The following FRMD1 variants were observed in gnomAD, a reference collection of about 807,000 sequenced individuals.
FRMD1 encodes FERM domain containing 1, also known as FERM domain-containing protein 1.
In FRMD1, 51 loss-of-function variants were observed where a neutral mutation model predicts 54.9. The observed-to-expected ratio is 0.93, with a 90% CI of 0.74 to 1.17. The LOEUF (loss-of-function observed/expected upper bound fraction) is 1.17. Among genes scored for constraint, FRMD1 ranks in the 50% most tolerant of loss-of-function variants. The pLI, the probability that FRMD1 is intolerant of heterozygous loss-of-function variation, is 0.00. For missense variants in FRMD1, 729 were observed against 743.0 expected, an observed-to-expected ratio of 0.98 and a Z score of 0.22; for synonymous variants, 324 against 306.4, an observed-to-expected ratio of 1.06 and a Z score of -0.60.
chr6:168,059,104 G>A lies in FRMD1; in HGVS notation c.1407+20C>T, dbSNP rs771248336. 1.3e-6 allele frequency: 2 copies of A among 1,550,880 alleles called. No individual in the cohort carries two copies. The highest frequency in any genetic ancestry group is 1.7e-6 in the Non-Finnish European group (2 of 1,150,088). The stretch of plus-strand genomic sequence containing the variant: ...TGGAGGAGCAGGGCCAGGGCTTCTG[G>A]CCCGTGGGGGGGACTCTACCTGGTG... On this transcript the variant is annotated intron_variant, in intron 10 of 10. Coordinates refer to ENST00000283309, the MANE Select transcript of FRMD1 (RefSeq NM_024919.6). This position sits in a 1 kb window ranked among gnomAD's most constrained non-coding sequence, Gnocchi z 4.4.
chr6:168,092,282 G>T (rs1355870477), intron 1 of FRMD1, among the ~76,000 whole-genome samples: 1 of 152,216 alleles, frequency 6.6e-6, no homozygotes, highest in African/African-American at 2.4e-5. Flanking sequence ...CCAGGACTTT[G>T]CAAAATGTTC....
Position 168,061,933 on chromosome 6 carries a change from GC to G in FRMD1, c.918del (p.Lys306AsnfsTer168). 2 of 1,600,802 alleles carry G rather than the reference GC, an allele frequency of 1.2e-6. No individual in the cohort carries two copies. Among genetic ancestry groups the G allele is most frequent in the Non-Finnish European group, 8.5e-7 (1 of 1,174,916 alleles). On this transcript the variant is annotated frameshift_variant, in exon 8 of 11. Coordinates refer to ENST00000283309, the MANE Select transcript of FRMD1 (RefSeq NM_024919.6). LOFTEE classifies it high-confidence loss of function. ...CAGGTGCACCCCGTGTAGTAAACCA[GC>G]TTCTGTGCTGCGGGCAGCCCATCCA... The part of the protein sequence containing the change: ...IQLDGLPAAQ[K>X]LVYYTGCTWR...
intron 4 of FRMD1, chr6:168,065,875 C>T (rs995505050): frequency 4.4e-5 from 44 of 1,000,136 alleles, no homozygotes; most frequent in Non-Finnish European, 5.2e-5. Context: ...AGGTTTTCCC[C>T]CAGGGTAAAC....
chr6:168,078,731 CA>C, intron 1 of FRMD1, 150 bp downstream of exon 1: 1 of 1,180,204 alleles, frequency 8.5e-7, no homozygotes, highest in East Asian at 2.8e-5. Flanking sequence ...GGGCCCTCCT[CA>C]CCCCCATGGC....
rs1583183817 is a variant in FRMD1, at chr6:168,066,730, C to T, written c.461+25G>A. The T allele has an allele frequency of 1.9e-6, 3 of 1,602,622 alleles. No individual in the cohort carries two copies. The East Asian group carries it at 6.7e-5, about 36-fold the overall frequency. ...CAGATTTTCAGTATTCCAGGAAACA[C>T]CCCTTACAGTCCGCATGCCGTTACC... On this transcript the variant is annotated intron_variant, in intron 4 of 10. Transcript: ENST00000283309.
chr6:168,056,994 G>C lies in FRMD1; in HGVS notation c.*103C>G. ...TGTGGAGCGTGCTGGCTGCGGAAGT[G>C]CAGGCAGCATCTGGCGGGCAGGAAG... On this transcript the variant is annotated 3_prime_UTR_variant, in exon 11 of 11. Coordinates refer to ENST00000283309, the MANE Select transcript of FRMD1 (RefSeq NM_024919.6). 1 of 1,328,650 alleles carries C rather than the reference G, an allele frequency of 7.5e-7. No homozygotes were observed. The highest frequency in any genetic ancestry group is 9.9e-7 in the Non-Finnish European group (1 of 1,013,018). 82.3% of individuals were successfully genotyped at this position (1,328,650 alleles called of 1,614,324 possible).
At chr6:168,062,098 T>G in intron 7 of FRMD1, 117 bp from the exon 8 acceptor site, 1 of 1,081,240 alleles carries the variant, frequency 9.2e-7, no homozygotes. Flanking sequence ...AGGTTTTCAC[T>G]TCGCAGTGCA....
At chr6:168,076,960 T>C (rs1418707981) in intron 1 of FRMD1, among the ~76,000 whole-genome samples, 3 of 151,750 alleles carry the variant, frequency 2.0e-5, no homozygotes, top group Non-Finnish European at 4.4e-5. Flanking sequence ...CAATAGAGGG[T>C]TCCTGTCCAA....
At chr6:168,079,830 G>C (rs928582853), upstream of FRMD1, among the ~76,000 whole-genome samples, 1 of 152,204 alleles carries the variant, frequency 6.6e-6, no homozygotes, top group Admixed American at 6.5e-5. Flanking sequence ...CGAGGGGTGG[G>C]GACATCTCCC....
chr6:168,061,740 G>T (rs1799744972), intron 8 of FRMD1, 67 bp downstream of exon 8: 2 of 1,445,952 alleles, frequency 1.4e-6, no homozygotes, highest in African/African-American at 2.8e-5. Context: ...CCAGAGCCCA[G>T]TGTGCCCAGC....
intron 10 of FRMD1, chr6:168,057,836 C>T (rs1799493275): frequency 5.6e-6 from 1 of 176,992 alleles, no homozygotes; most frequent in Non-Finnish European, 1.2e-5. Context: ...TGCCGTGGCC[C>T]CTCAGATCTG....
intron 1 of FRMD1, among the ~76,000 whole-genome samples, chr6:168,088,500 T>G (rs1055280307): frequency 2.0e-5 from 3 of 152,210 alleles, no homozygotes; most frequent in African/African-American, 7.2e-5. Flanking sequence ...TCTGATCTTC[T>G]CAGGCATAAA....
At chr6:168,080,530 C>G (rs894687129), upstream of FRMD1, among the ~76,000 whole-genome samples, 52 of 152,216 alleles carry the variant, frequency 3.4e-4, no homozygotes, top group Admixed American at 3.3e-4. Flanking sequence ...AGCAGCTCGT[C>G]CCTGTGCCGG....
At chr6:168,087,143 C>A (rs1448803475) in intron 1 of FRMD1, among the ~76,000 whole-genome samples, 1 of 152,070 alleles carries the variant, frequency 6.6e-6, no homozygotes, top group Non-Finnish European at 1.5e-5. Context: ...GCTTGGCTCA[C>A]TGTAACCCCT....
At position 168,053,224 on chromosome 6, in the gene FRMD1, C is replaced by T. The variant is rs922864995; in HGVS notation, c.*3873G>A. On this transcript the variant is annotated 3_prime_UTR_variant, in exon 11 of 11. Transcript: ENST00000283309. ...CAGCTTTCTCCCGGCAGGGCTGCCC[C>T]GGATTTGTTTTCTAACCTTGGCACC... 7.2e-5 allele frequency: 11 copies of T among 152,238 alleles called. No homozygotes were observed. The highest frequency in any genetic ancestry group is 1.3e-4 in the Admixed American group (2 of 15,288). The allele number at this position is 152,238 out of a possible 1,614,324, so 9.4% of individuals were successfully genotyped here. A position where few individuals can be genotyped will look rare whatever the true frequency, so the allele number is the denominator to read the frequency against.
chr6:168,060,022 T>TG (rs112899558), intron 9 of FRMD1, among the ~76,000 whole-genome samples: 8,655 of 135,926 alleles, frequency 0.064, 274 homozygotes, highest in Non-Finnish European at 0.079. Flanking sequence ...TTCCTAGGAG[T>TG]GGGGGGCTTC....
chr6:168,076,036 G>A (rs1473418520), intron 1 of FRMD1, among the ~76,000 whole-genome samples: 2 of 152,004 alleles, frequency 1.3e-5, no homozygotes, highest in East Asian at 1.9e-4. Context: ...TGGGATTGGC[G>A]GGCATCCCCT....
chr6:168,085,344 C>A (rs905845426), upstream of FRMD1, among the ~76,000 whole-genome samples: 1 of 152,230 alleles, frequency 6.6e-6, no homozygotes, highest in African/African-American at 2.4e-5. Flanking sequence ...AACACTCCAG[C>A]CTCCCTCCAC....
At chr6:168,066,563 T>A (rs1048217745) in intron 4 of FRMD1, 192 bp downstream of exon 4, 23 of 1,387,398 alleles carry the variant, frequency 1.7e-5, no homozygotes, top group Non-Finnish European at 1.8e-5. Context: ...TATGACACAG[T>A]CTGTATACCT....
Sources: gnomAD v4.1 joint callset for allele counts (sites outside exome capture counted in the v4.1 genomes callset) on GRCh38, gnomAD v4.1.1 for gene constraint, Gnocchi (gnomAD v3.1) non-coding constraint, MANE v1.5 for transcripts, NCBI Gene and HGNC (gene_info 2026-07-23, HGNC 2026-07-21) for gene names.